AGMO: variants seen among roughly 807,000 people sequenced by gnomAD.
AGMO encodes the protein alkylglycerol monooxygenase, also known as glyceryl-ether monooxygenase.
A neutral mutation model predicts 60.2 loss-of-function variants in AGMO; 75 were observed. The ratio of observed to expected loss-of-function variants is 1.25; its 90% CI spans 1.03 to 1.51. AGMO has a LOEUF of 1.51. AGMO is among the 40% of genes most tolerant of loss of function. The probability of loss-of-function intolerance (pLI) is 0.00; values close to 1 mark genes in which losing one functional copy is unlikely to be tolerated. For missense variants in AGMO, 763 were observed against 525.5 expected, an observed-to-expected ratio of 1.45 and a Z score of -4.42; for synonymous variants, 261 against 177.1, an observed-to-expected ratio of 1.47 and a Z score of -3.76.
intron 12 of AGMO, among the ~76,000 whole-genome samples, chr7:15,317,981 T>A (rs1339993789): frequency 6.7e-6 from 1 of 149,230 alleles, no homozygotes; most frequent in Non-Finnish European, 1.5e-5. Flanking sequence ...CACACACGTA[T>A]ATATATATAC....
intron 3 of AGMO, among the ~76,000 whole-genome samples, chr7:15,445,923 T>C (rs193120493): frequency 6.6e-6 from 1 of 152,084 alleles, no homozygotes; most frequent in Admixed American, 6.5e-5. Context: ...TCCTATTCCA[T>C]CAAATACAAG....
chr7:15,378,007 G>T (rs373963268), intron 10 of AGMO, among the ~76,000 whole-genome samples: 1 of 151,950 alleles, frequency 6.6e-6, no homozygotes, highest in Non-Finnish European at 1.5e-5. Context: ...TATGCAATTT[G>T]TTTCATCATT....
At chr7:15,377,362 T>A (rs934912262) in intron 10 of AGMO, among the ~76,000 whole-genome samples, 1 of 151,838 alleles carries the variant, frequency 6.6e-6, no homozygotes, top group African/African-American at 2.4e-5. Context: ...TTCGTCAATA[T>A]ATCTACATGA....
At chr7:15,432,954 T>C (rs1410233831) in intron 3 of AGMO, among the ~76,000 whole-genome samples, 1 of 151,900 alleles carries the variant, frequency 6.6e-6, no homozygotes, top group Non-Finnish European at 1.5e-5. Flanking sequence ...TCCCCTAAAG[T>C]TTAAAAACCG....
intron 3 of AGMO, among the ~76,000 whole-genome samples, chr7:15,442,055 G>A (rs928754433): frequency 2.0e-5 from 3 of 152,160 alleles, no homozygotes; most frequent in African/African-American, 7.2e-5. Flanking sequence ...GAAACTTTCA[G>A]TGTTACTGAA....
intron 12 of AGMO, among the ~76,000 whole-genome samples, chr7:15,213,174 A>T (rs1781643832): frequency 6.6e-6 from 1 of 151,836 alleles, no homozygotes; most frequent in African/African-American, 2.4e-5. Flanking sequence ...TTCCAACTCA[A>T]TGGATCCTCT....
chr7:15,321,934 T>G (rs1293994048), intron 12 of AGMO, among the ~76,000 whole-genome samples: 1 of 151,964 alleles, frequency 6.6e-6, no homozygotes, highest in Non-Finnish European at 1.5e-5. Flanking sequence ...TTAATACAAT[T>G]TTTTTCTTAC....
At chr7:15,359,602 A>G (rs6964191) in intron 12 of AGMO, among the ~76,000 whole-genome samples, 78,649 of 151,928 alleles carry the variant, frequency 0.52, 21,629 homozygotes, top group African/African-American at 0.73. Context: ...TCTTTCATAC[A>G]ACTCAGTTAG....
intron 3 of AGMO, among the ~76,000 whole-genome samples, chr7:15,516,747 A>C (rs1783817017): frequency 2.0e-5 from 3 of 151,898 alleles, no homozygotes; most frequent in Admixed American, 2.0e-4. Context: ...GGAGAAGTGA[A>C]AAAGTTACAT....
At position 15,251,249 on chromosome 7, in the gene AGMO, G is replaced by A. The variant is rs113459766; in HGVS notation, c.1264-49890C>T. On this transcript the variant is annotated intron_variant, in intron 12 of 12. Coordinates refer to ENST00000342526, the MANE Select transcript of AGMO (RefSeq NM_001004320.2). ...TAAGGAGTATACACATGACCAATAT[G>A]AGCCAATTAGATACCCTCCTAGAGA... is the stretch of plus-strand genomic sequence containing the variant. Among the ~76,000 whole-genome samples, 790 of 152,082 alleles carry A rather than the reference G, an allele frequency of 5.2e-3. 3 individuals carry two copies. The highest frequency in any genetic ancestry group is 0.016 in the African/African-American group (667 of 41,482).
Position 15,201,361 on chromosome 7 carries a change from T to G in AGMO, c.1264-2A>C, listed in dbSNP as rs1197971280. On this transcript the variant is annotated splice_acceptor_variant, in intron 12 of 12. Coordinates refer to ENST00000342526, the MANE Select transcript of AGMO (RefSeq NM_001004320.2). LOFTEE classifies it high-confidence loss of function. ...AGCAATGCAAATGGAAAAAACAATC[T>G]GAAGAAATAAAACACAAAGAGAAAA... is the stretch of plus-strand genomic sequence containing the variant. 6.2e-7 allele frequency: 1 copy of G among 1,610,096 alleles called. No individual in the cohort carries two copies. Among genetic ancestry groups the G allele is most frequent in the South Asian group, 1.1e-5 (1 of 90,716 alleles).
At chr7:15,556,482 C>T (rs2043730900) in intron 2 of AGMO, among the ~76,000 whole-genome samples, 1 of 151,812 alleles carries the variant, frequency 6.6e-6, no homozygotes. Flanking sequence ...TAAATGAACC[C>T]ATTAAAAACA....
At chr7:15,460,408 C>T (rs2128508479) in intron 3 of AGMO, among the ~76,000 whole-genome samples, 1 of 152,152 alleles carries the variant, frequency 6.6e-6, no homozygotes, top group South Asian at 2.1e-4. Context: ...TTAAATTTTT[C>T]ACATACTTAA....
At chr7:15,386,529 T>C (rs998711492) in intron 9 of AGMO, among the ~76,000 whole-genome samples, 2 of 152,204 alleles carry the variant, frequency 1.3e-5, no homozygotes, top group Non-Finnish European at 2.9e-5. Flanking sequence ...TGTTGCACAA[T>C]GAATTGTGAA....
At chr7:15,144,582 G>A in the AGMO span, among the ~76,000 whole-genome samples, 3 of 152,134 alleles carry the variant, frequency 2.0e-5, no homozygotes, top group African/African-American at 7.2e-5. Context: ...GCGCATGCAC[G>A]TTTTTAGTCA....
At chr7:15,406,922 T>TACAC (rs573526404) in intron 5 of AGMO, among the ~76,000 whole-genome samples, 3,728 of 107,702 alleles carry the variant, frequency 0.035, 92 homozygotes, top group Non-Finnish European at 0.035. Flanking sequence ...TTGTTTGGAA[T>TACAC]ACACACGCGC....
In AGMO at chr7:15,204,359, C is replaced by G. The variant is rs549190387; in HGVS notation, c.1264-3000G>C. 9.2e-5 allele frequency among the ~76,000 whole-genome samples: 14 copies of G among 152,178 alleles called. No individual in the cohort carries two copies. The East Asian group carries it at 2.5e-3, about 27-fold the overall frequency. ...CCTTAGTTGATTAGATTAAATATGT[C>G]ACTTTACTTGATAGTTCATTAACAC... On this transcript the variant is annotated intron_variant, in intron 12 of 12. Transcript: ENST00000342526.
At chr7:15,486,502 T>C (rs1782924802) in intron 3 of AGMO, among the ~76,000 whole-genome samples, 3 of 152,044 alleles carry the variant, frequency 2.0e-5, no homozygotes. Flanking sequence ...CCTGAATAAT[T>C]ACATAAGAGA....
the AGMO span, among the ~76,000 whole-genome samples, chr7:15,177,884 T>C: frequency 6.6e-6 from 1 of 152,156 alleles, no homozygotes; most frequent in South Asian, 2.1e-4. Context: ...ATAATGATAT[T>C]GCTTTCTTTT....
Sources: allele counts gnomAD v4.1 joint callset (sites outside exome capture counted in the v4.1 genomes callset), GRCh38; gene constraint gnomAD v4.1.1; transcripts MANE v1.5; gene names NCBI Gene and HGNC (gene_info 2026-07-23, HGNC 2026-07-21).